Variants in IFT140 observed in about 807,000 individuals in gnomAD.
The protein encoded by IFT140 is intraflagellar transport protein 140 homolog.
In IFT140, 133 loss-of-function variants were observed where a neutral mutation model predicts 164.6. The observed-to-expected ratio is 0.81, with a 90% CI of 0.70 to 0.93. The LOEUF is 0.93. Ranked by LOEUF, IFT140 falls within the 40% of genes least tolerant of loss-of-function variation. The pLI, the probability that IFT140 is intolerant of heterozygous loss-of-function variation, is 0.00. For synonymous variants in IFT140, 860 were observed against 817.3 expected (o/e 1.05, Z -0.89); for missense variants, 2,045 against 1,972.3 (o/e 1.04, Z -0.70).
intron 3 of IFT140, 102 bp from the exon 4 acceptor site, chr16:1,602,693 G>T: frequency 2.8e-6 from 3 of 1,076,810 alleles, no homozygotes; most frequent in Non-Finnish European, 4.1e-6. Context: ...TGTAATTACA[G>T]CACTTTGGGA....
At chr16:1,577,482 G>C (rs2034335994) in intron 13 of IFT140, 1 of 152,222 alleles carries the variant, frequency 6.6e-6, no homozygotes, top group Non-Finnish European at 1.5e-5. Context: ...TTCTGGCAGA[G>C]TCAACAGTTA....
chr16:1,520,899 C>A (rs2040507335), intron 26 of IFT140, 91 bp from the exon 27 acceptor site: 1 of 1,249,536 alleles, frequency 8.0e-7, no homozygotes, highest in Non-Finnish European at 1.1e-6. Flanking sequence ...GGAAACCAGG[C>A]CCCTCGGCTC....
At chr16:1,589,868 A>G in intron 6 of IFT140, 88 bp from the exon 7 acceptor site, 1 of 1,247,438 alleles carries the variant, frequency 8.0e-7, no homozygotes, top group Non-Finnish European at 1.1e-6. Flanking sequence ...TATCAACTTA[A>G]GGACATTTTC....
chr16:1,540,497 T>C lies in IFT140; in HGVS notation c.2400-13701A>G, dbSNP rs537322068. Among the ~76,000 whole-genome samples the C allele has an allele frequency of 1.2e-4, 18 of 152,254 alleles. No homozygotes were observed. The South Asian group carries it at 3.7e-3, about 32-fold the overall frequency. ...GTGCTCTGAGGAGGCAGCTTGAGGA[T>C]CTCCCCATCCCCTCTCGGCCTCCAC... On this transcript the variant is annotated intron_variant, in intron 19 of 30. Transcript: ENST00000426508.
intron 19 of IFT140, among the ~76,000 whole-genome samples, chr16:1,535,552 C>T (rs1029973600): frequency 1.2e-4 from 19 of 152,216 alleles, no homozygotes; most frequent in Admixed American, 9.8e-4. Context: ...TCCAGGCTTC[C>T]GAGGGAGTCC....
chr16:1,560,795 C>G (rs2033363451), intron 18 of IFT140, among the ~76,000 whole-genome samples: 1 of 152,198 alleles, frequency 6.6e-6, no homozygotes, highest in Admixed American at 6.5e-5. Flanking sequence ...ATCGATAAGC[C>G]ACTGCATGTG....
chr16:1,576,179 G>A lies in IFT140; in HGVS notation c.1524+4580C>T, dbSNP rs540551223. On this transcript the variant is annotated intron_variant, in intron 13 of 30. Coordinates refer to ENST00000426508, the MANE Select transcript of IFT140 (RefSeq NM_014714.4). Reference sequence around the variant, plus strand: ...CACATGCCTGTAATCCCAGCTACTCGGGAGGCTGAGAAAGGAGAACTGCTT... The same window carrying A: ...CACATGCCTGTAATCCCAGCTACTCAGGAGGCTGAGAAAGGAGAACTGCTT... Among the ~76,000 whole-genome samples the A allele has an allele frequency of 3.5e-4, 53 of 151,800 alleles. No individual in the cohort carries two copies. In the South Asian group the frequency reaches 5.9e-3, roughly 17 times the overall value.
intron 26 of IFT140, among the ~76,000 whole-genome samples, chr16:1,522,650 C>G (rs1348312739): frequency 6.6e-6 from 1 of 152,150 alleles, no homozygotes; most frequent in East Asian, 1.9e-4. Flanking sequence ...ACCATCCTGG[C>G]CAACGTGGTG....
rs968810303 is a variant in IFT140, at chr16:1,564,203, C to T, written c.1902-41G>A. 2.8e-5 allele frequency: 43 copies of T among 1,509,232 alleles called. No homozygotes were observed. The highest frequency in any genetic ancestry group is 3.9e-5 in the Non-Finnish European group (43 of 1,115,664). 93.5% of individuals were successfully genotyped at this position (1,509,232 alleles called of 1,614,324 possible). On this transcript the variant is annotated intron_variant, in intron 16 of 30. Coordinates refer to ENST00000426508, the MANE Select transcript of IFT140 (RefSeq NM_014714.4). The surrounding 1 kb of genome is among the most constrained non-coding windows in gnomAD (Gnocchi z 5.5). ...AGACCCGTTTCAACCCCAGGGCGGG[C>T]ACTCCTGCTACCAGTCTCCCTCCCA...
Position 1,524,907 on chromosome 16 carries a change from C to A in IFT140, c.2874G>T (p.Trp958Cys). 1 of 1,607,766 alleles carries A rather than the reference C, an allele frequency of 6.2e-7. No homozygotes were observed. Residue 958 changes from tryptophan to cysteine, a missense_variant, in exon 23 of 31, where the codon TGG becomes TGT. Trp to Cys is a radical substitution (Grantham distance 215). Coordinates refer to ENST00000426508, the MANE Select transcript of IFT140 (RefSeq NM_014714.4). ...TCTCCAGGTACTGCGCCCACCACCG[C>A]CACAGGGTCCTGCGGGCAGCCCAAG... ...YVNKMKDKTLWRWWAQYLESQ... is the reference protein window; with the variant it reads ...YVNKMKDKTLCRWWAQYLESQ...
intron 6 of IFT140, among the ~76,000 whole-genome samples, chr16:1,590,814 G>T (rs1297271456): frequency 6.6e-6 from 1 of 152,070 alleles, no homozygotes; most frequent in Non-Finnish European, 1.5e-5. Context: ...CAGCTAGGCT[G>T]GAGTAGAGTG....
intron 20 of IFT140, chr16:1,526,294 C>A (rs2040693516): frequency 5.0e-6 from 3 of 594,954 alleles, no homozygotes; most frequent in Non-Finnish European, 8.9e-6. Flanking sequence ...ACCCCACCTC[C>A]CACAGCCCCC....
At chr16:1,581,155 T>A (rs2034538402) in intron 12 of IFT140, among the ~76,000 whole-genome samples, 1 of 152,194 alleles carries the variant, frequency 6.6e-6, no homozygotes, top group Non-Finnish European at 1.5e-5. Flanking sequence ...CAGCACAGCA[T>A]CTATGACAAC....
rs113961811 is a variant in IFT140 at position 1,539,082 on chromosome 16, G to C, written c.2400-12286C>G. Among the ~76,000 whole-genome samples the C allele has an allele frequency of 5.9e-3, 894 of 151,866 alleles. 7 individuals carry two copies. Among genetic ancestry groups the C allele is most frequent in the African/African-American group, 0.021 (855 of 41,344 alleles). On this transcript the variant is annotated intron_variant, in intron 19 of 30. Coordinates refer to ENST00000426508, the MANE Select transcript of IFT140 (RefSeq NM_014714.4). Reference sequence around the variant, plus strand: ...GCCTCAGGCCTCAGCAAGCTGCACAGTGCCAGATGGCCCCCCACCTCAGGC... The same window carrying C: ...GCCTCAGGCCTCAGCAAGCTGCACACTGCCAGATGGCCCCCCACCTCAGGC...
At chr16:1,519,300 G>A (rs3784821) in intron 29 of IFT140, among the ~76,000 whole-genome samples, 7,366 of 152,266 alleles carry the variant, frequency 0.048, 435 homozygotes, top group East Asian at 0.18. Flanking sequence ...GCCCTGAAGC[G>A]CACAGGCGAG....
intron 30 of IFT140, among the ~76,000 whole-genome samples, chr16:1,515,389 GA>G (rs780784551): frequency 6.6e-6 from 1 of 152,134 alleles, no homozygotes; most frequent in South Asian, 2.1e-4. Flanking sequence ...TTCAAGTGCT[GA>G]AAGGAAAAAA....
intron 19 of IFT140, chr16:1,534,268 C>T (rs754653931): frequency 7.5e-6 from 12 of 1,609,674 alleles, no homozygotes; most frequent in Middle Eastern, 1.7e-4. Context: ...GCGGCACCGG[C>T]GTCAGCGATG....
intron 13 of IFT140, chr16:1,579,099 T>C (rs1234256409): frequency 6.6e-6 from 1 of 152,248 alleles, no homozygotes; most frequent in East Asian, 1.9e-4. Flanking sequence ...AAGCAGTTGA[T>C]TGACACATAT....
chr16:1,599,992 C>T (rs1185164855), intron 4 of IFT140, among the ~76,000 whole-genome samples: 2 of 144,174 alleles, frequency 1.4e-5, no homozygotes, highest in East Asian at 2.2e-4. Flanking sequence ...ATGACAATGG[C>T]GGCTTTGTGG....
Sources: gnomAD v4.1 joint callset for allele counts (sites outside exome capture counted in the v4.1 genomes callset) on GRCh38, gnomAD v4.1.1 for gene constraint, Gnocchi (gnomAD v3.1) non-coding constraint, MANE v1.5 for transcripts, NCBI Gene and HGNC (gene_info 2026-07-23, HGNC 2026-07-21) for gene names.